The following PATJ variants were observed in gnomAD, a reference collection of about 807,000 sequenced individuals.
The protein encoded by PATJ is inaD-like protein.
In PATJ, 190 loss-of-function variants were observed where a neutral mutation model predicts 224.9. The observed-to-expected ratio is 0.84, with a 90% confidence interval of 0.75 to 0.95. PATJ has a LOEUF of 0.95. Among genes scored for constraint, PATJ ranks in the 40% least tolerant of loss-of-function variants. The probability of loss-of-function intolerance (pLI) is 0.00; values close to 1 mark genes in which losing one functional copy is unlikely to be tolerated. For synonymous variants in PATJ, 769 were observed against 820.3 expected, an observed-to-expected ratio of 0.94 and a Z score of 1.07; for missense variants, 2,121 against 2,270.3, an observed-to-expected ratio of 0.93 and a Z score of 1.34.
chr1:61,967,879 T>C (rs183611547), intron 27 of PATJ, among the ~76,000 whole-genome samples: 52 of 152,288 alleles, frequency 3.4e-4, no homozygotes, highest in Non-Finnish European at 7.4e-5. Context: ...GAAAAGCAAT[T>C]GTTCACTGAT....
At chr1:61,747,160 C>A (rs181320351) in intron 1 of PATJ, among the ~76,000 whole-genome samples, 12 of 152,228 alleles carry the variant, frequency 7.9e-5, no homozygotes, top group African/African-American at 2.9e-4. Context: ...CGGGACCAAT[C>A]TACCTTGGTA....
At chr1:62,006,680 C>A (rs920889836) in intron 28 of PATJ, among the ~76,000 whole-genome samples, 1 of 152,176 alleles carries the variant, frequency 6.6e-6, no homozygotes, top group African/African-American at 2.4e-5. Context: ...TATAAGAAGA[C>A]TTACCTCATA....
At chr1:61,940,183 AT>A (rs1677589921) in intron 27 of PATJ, among the ~76,000 whole-genome samples, 1 of 152,128 alleles carries the variant, frequency 6.6e-6, no homozygotes, top group African/African-American at 2.4e-5. Flanking sequence ...TTTTGTAGGC[AT>A]TTGAGCTGGA....
chr1:62,026,230 G>A (rs1459176134), intron 29 of PATJ, among the ~76,000 whole-genome samples: 1 of 152,186 alleles, frequency 6.6e-6, no homozygotes, highest in East Asian at 1.9e-4. Context: ...TTTTGGAAAG[G>A]AGTTTTCCCA....
intron 18 of PATJ, among the ~76,000 whole-genome samples, 156 bp from the exon 19 acceptor site, chr1:61,861,395 T>A (rs1307174547): frequency 6.6e-6 from 1 of 151,120 alleles, no homozygotes; most frequent in Non-Finnish European, 1.5e-5. Flanking sequence ...GTTAAATAGG[T>A]ATATGTGTGC....
At chr1:62,050,509 T>C (rs1332092543) in intron 30 of PATJ, among the ~76,000 whole-genome samples, 1 of 152,246 alleles carries the variant, frequency 6.6e-6, no homozygotes. Context: ...CGGTCGTCCA[T>C]GGAAACTTGG....
In PATJ at chr1:61,976,082, GC is replaced by G. The variant is rs1165810599; in HGVS notation, c.3671-14085del. ...GTCATCCTGTGTGTGCTGCAGCCAT[GC>G]TTCCTAAGGCTCAGCTCTGGGGATT... On this transcript the variant is annotated intron_variant, in intron 27 of 43. Transcript: ENST00000642238. Among the ~76,000 whole-genome samples, 16 of 152,102 alleles carry G rather than the reference GC, an allele frequency of 1.1e-4. No individual in the cohort carries two copies. In the South Asian group the frequency reaches 3.3e-3, roughly 32 times the overall value.
At chr1:61,756,652 C>A (rs539316073) in intron 1 of PATJ, among the ~76,000 whole-genome samples, 115 of 145,498 alleles carry the variant, frequency 7.9e-4, no homozygotes, top group Non-Finnish European at 1.2e-3. Context: ...GATCTCGGCT[C>A]ACTGCAACCT....
chr1:61,930,641 T>C (rs1475452738), intron 27 of PATJ, among the ~76,000 whole-genome samples: 2 of 152,150 alleles, frequency 1.3e-5, no homozygotes, highest in Non-Finnish European at 2.9e-5. Flanking sequence ...AGCTCAATCA[T>C]GGCTCACTGA....
chr1:61,985,265 T>C (rs1020037886), intron 27 of PATJ, among the ~76,000 whole-genome samples: 2 of 151,876 alleles, frequency 1.3e-5, no homozygotes, highest in African/African-American at 4.9e-5. Flanking sequence ...TGAACCGAGA[T>C]CGTGCCACTG....
intron 14 of PATJ, among the ~76,000 whole-genome samples, chr1:61,810,703 T>A (rs558550404): frequency 0.013 from 388 of 29,630 alleles, 1 homozygote; most frequent in African/African-American, 0.063. Flanking sequence ...TCTCAAAAAA[T>A]AAATAAATAA....
At chr1:61,837,331 T>G (rs1480633595) in intron 17 of PATJ, among the ~76,000 whole-genome samples, 1 of 152,182 alleles carries the variant, frequency 6.6e-6, no homozygotes, top group Non-Finnish European at 1.5e-5. Flanking sequence ...AACTCTCTAG[T>G]TAGATTACAA....
rs375426537 is a variant in PATJ at position 61,899,040 on chromosome 1, G to A, written c.3132-543G>A. ...CTTGCTGGATGAAAATATGTTGGTG[G>A]TAGGTGGGAAGCAGTGAGGATCATA... is the stretch of plus-strand genomic sequence containing the variant. On this transcript the variant is annotated intron_variant, in intron 22 of 43. Coordinates refer to ENST00000642238, the MANE Select transcript of PATJ (RefSeq NM_001350145.3). Among the ~76,000 whole-genome samples the A allele has an allele frequency of 1.6e-4, 25 of 152,220 alleles. No individual in the cohort carries two copies. The South Asian group carries it at 4.8e-3, about 29-fold the overall frequency.
At position 61,974,405 on chromosome 1, in the gene PATJ, C is replaced by CTTT. The variant is rs149825131; in HGVS notation, c.3671-15740_3671-15738dup. ...TACCCCCATCTCTCTCTCTCTCTCT[C>CTTT]TTTTTTTTTTTTTTTTTTTTTTTTT... On this transcript the variant is annotated intron_variant, in intron 27 of 43. Transcript: ENST00000642238. Among the ~76,000 whole-genome samples the CTTT allele has an allele frequency of 1.1e-3, 69 of 64,258 alleles. 1 individual carries two copies. The highest frequency in any genetic ancestry group is 1.4e-3 in the Non-Finnish European group (53 of 37,354). 42.2% of individuals were successfully genotyped at this position (64,258 alleles called of 152,430 possible). A position where few individuals can be genotyped will look rare whatever the true frequency, so the allele number is the denominator to read the frequency against.
intron 11 of PATJ, among the ~76,000 whole-genome samples, chr1:61,799,282 T>A (rs1651981859): frequency 6.6e-6 from 1 of 152,164 alleles, no homozygotes. Flanking sequence ...AACTTCCACC[T>A]CCTGTGTTCA....
At chr1:62,104,741 A>C (rs1662679951) in intron 33 of PATJ, among the ~76,000 whole-genome samples, 1 of 152,110 alleles carries the variant, frequency 6.6e-6, no homozygotes, top group African/African-American at 2.4e-5. Flanking sequence ...GTGTGATCTC[A>C]GCTCACTGCA....
chr1:61,851,620 C>A (rs191551691), intron 17 of PATJ, among the ~76,000 whole-genome samples: 5 of 152,068 alleles, frequency 3.3e-5, no homozygotes, highest in African/African-American at 1.2e-4. Context: ...AGTAGGTATC[C>A]CTGAAGTACT....
intron 7 of PATJ, among the ~76,000 whole-genome samples, chr1:61,780,096 G>T (rs985341380): frequency 6.6e-6 from 1 of 152,126 alleles, no homozygotes; most frequent in South Asian, 2.1e-4. Flanking sequence ...ATGAGGTTTG[G>T]GGGGGACAAA....
intron 42 of PATJ, 76 bp downstream of exon 42, chr1:62,148,466 C>T (rs1668300733): frequency 9.6e-7 from 1 of 1,045,366 alleles, no homozygotes. Context: ...CACTCAAGTG[C>T]ACTCTAAAGG....
Sources: gnomAD v4.1 joint callset for allele counts (sites outside exome capture counted in the v4.1 genomes callset) on GRCh38, gnomAD v4.1.1 for gene constraint, MANE v1.5 for transcripts, NCBI Gene and HGNC (gene_info 2026-07-23, HGNC 2026-07-21) for gene names.